FANCG: variants seen among roughly 807,000 people sequenced by gnomAD.
FANCG encodes FA complementation group G, also known as Fanconi anemia group G protein.
Under a neutral mutation model 73.3 loss-of-function variants are expected in FANCG, and 67 were observed. The ratio of observed to expected loss-of-function variants is 0.91; its 90% CI spans 0.75 to 1.12. The LOEUF is 1.12. FANCG is among the 50% of genes most tolerant of loss of function. The probability of loss-of-function intolerance (pLI) is 0.00; values close to 1 mark genes in which losing one functional copy is unlikely to be tolerated. For synonymous variants in FANCG, 297 were observed against 311.6 expected, an observed-to-expected ratio of 0.95 and a Z score of 0.49; for missense variants, 643 against 735.6, an observed-to-expected ratio of 0.87 and a Z score of 1.46.
chr9:35,076,813 A>C lies in FANCG; in HGVS notation c.835T>G (p.Trp279Gly), dbSNP rs749604746. ...LVAALKEGSA[W>G]GPPLLEASRL... ...GAGGCCTCCAGAAGTGGAGGACCCC[A>C]GGCTGATCCCTCTTTCAGGGCTGCA... Residue 279 changes from tryptophan (W) to glycine (G), a missense_variant, in exon 7 of 14, where the codon TGG (tryptophan) becomes GGG (glycine). Coordinates refer to ENST00000378643, the MANE Select transcript of FANCG (RefSeq NM_004629.2). The C allele has an allele frequency of 3.7e-6, 6 of 1,614,072 alleles. No homozygotes were observed. Among genetic ancestry groups the C allele is most frequent in the Non-Finnish European group, 5.1e-6 (6 of 1,180,040 alleles).
chr9:35,076,627 CATACTTCCTTAT>C, intron 7 of FANCG, 44 bp from the exon 8 acceptor site: 1 of 1,614,074 alleles, frequency 6.2e-7, no homozygotes, highest in Non-Finnish European at 8.5e-7. Flanking sequence ...CTTTGGGAGC[CATACTTCCTTAT>C]ACTTGGATCT....
In FANCG at chr9:35,079,725, C is replaced by G; in HGVS notation, c.-201G>C. On this transcript the variant is annotated 5_prime_UTR_variant, in exon 1 of 14. Transcript: ENST00000378643. Reference sequence around the variant, plus strand: ...CTCTCTCCCCGCGGCCCGCCGGGCTCTCAACCTCGCCTCTGGTTGGCCGGG... The same window carrying G: ...CTCTCTCCCCGCGGCCCGCCGGGCTGTCAACCTCGCCTCTGGTTGGCCGGG... The G allele has an allele frequency of 3.2e-6, 2 of 622,134 alleles. No individual in the cohort carries two copies. The highest frequency in any genetic ancestry group is 5.6e-5 in the East Asian group (2 of 35,846). 38.5% of individuals were successfully genotyped at this position (622,134 alleles called of 1,614,324 possible).
In FANCG at chr9:35,077,058, G is replaced by T. The variant is rs1333976481; in HGVS notation, c.690C>A (p.Ser230Arg). ...LITGNPDKAL[S>R]SLHEAASGLC... ...GGCCTGAGGCCGCTTCATGAAGGCTGCTTAGTGCCTTGTCTGGGTTCCCTG... is the reference window on the plus strand; with the variant it reads ...GGCCTGAGGCCGCTTCATGAAGGCTTCTTAGTGCCTTGTCTGGGTTCCCTG... Residue 230 changes from serine (S) to arginine (R), a missense_variant, in exon 6 of 14, where the codon AGC becomes AGA. Ser to Arg is a moderately radical substitution (Grantham distance 110). Transcript: ENST00000378643. The T allele has an allele frequency of 9.3e-6, 15 of 1,614,244 alleles. No individual in the cohort carries two copies. The highest frequency in any genetic ancestry group is 1.3e-5 in the Non-Finnish European group (15 of 1,180,044).
chr9:35,075,532 G>A lies in FANCG; in HGVS notation c.1366C>T (p.His456Tyr), dbSNP rs1315754695. ...PYCPLWVSAT[H>Y]LLQGQAWVQL... Reference sequence around the variant, plus strand: ...ACCCAGGCCTGGCCCTGAAGCAGGTGGGTGGCAGAGACCCAGAGTGGGCAG... The same window carrying A: ...ACCCAGGCCTGGCCCTGAAGCAGGTAGGTGGCAGAGACCCAGAGTGGGCAG... Residue 456 changes from histidine (H) to tyrosine (Y), a missense_variant, in exon 10 of 14, where the codon CAC becomes TAC. Physicochemically the swap from His to Tyr is moderately conservative, Grantham distance 83. Transcript: ENST00000378643. 2 of 1,614,040 alleles carry A rather than the reference G, an allele frequency of 1.2e-6. No individual in the cohort carries two copies. Among genetic ancestry groups the A allele is most frequent in the Non-Finnish European group, 1.7e-6 (2 of 1,180,036 alleles).
chr9:35,076,111 A>G, intron 8 of FANCG, 83 bp from the exon 9 acceptor site: 1 of 1,352,786 alleles, frequency 7.4e-7, no homozygotes, highest in Non-Finnish European at 1.1e-6. Flanking sequence ...CTCTTAGCTA[A>G]CAGATGGATG....
At chr9:35,078,886 C>T in intron 2 of FANCG, 150 bp from the exon 3 acceptor site, 1 of 1,207,010 alleles carries the variant, frequency 8.3e-7, no homozygotes, top group East Asian at 2.5e-5. Context: ...AAAAAAAGAA[C>T]CCAACCTTTG....
At position 35,075,990 on chromosome 9, in the gene FANCG, G is replaced by A. The variant is rs2131054696; in HGVS notation, c.1115C>T (p.Ala372Val). 1 of 1,614,134 alleles carries A rather than the reference G, an allele frequency of 6.2e-7. No individual in the cohort carries two copies. The change falls in exon 9 of 14, where the codon GCC becomes GTC. Residue 372 changes from alanine to valine, a missense_variant. Coordinates refer to ENST00000378643, the MANE Select transcript of FANCG (RefSeq NM_004629.2). Reference protein sequence around the residue: ...DAAEHYLDLLALLLDSSEPRF... With the variant: ...DAAEHYLDLLVLLLDSSEPRF... ...TGGCTCCGAGCTATCCAGCAACAGG[G>A]CCAGCAGGTCCAAGTAATGCTCTGC... is the stretch of plus-strand genomic sequence containing the variant.
At chr9:35,078,400 T>C in intron 3 of FANCG, 57 bp from the exon 4 acceptor site, 1 of 1,571,244 alleles carries the variant, frequency 6.4e-7, no homozygotes, top group East Asian at 2.2e-5. Context: ...CACCTCATCC[T>C]CCATCTCCCC....
At position 35,076,875 on chromosome 9, in the gene FANCG, A is replaced by G; in HGVS notation, c.778-5T>C. The stretch of plus-strand genomic sequence containing the variant: ...CAGTGCTCTCTGTGGATTTCCCTAA[A>G]GGGATAGGAGGACACGGGCCTCAGC... On this transcript the variant is annotated splice_region_variant and splice_polypyrimidine_tract_variant and intron_variant, in intron 6 of 13. Transcript: ENST00000378643. The G allele has an allele frequency of 6.2e-7, 1 of 1,614,216 alleles. No individual in the cohort carries two copies. The highest frequency in any genetic ancestry group is 8.5e-7 in the Non-Finnish European group (1 of 1,180,038).
At position 35,074,175 on chromosome 9, in the gene FANCG, C is replaced by T. The variant is rs374723194; in HGVS notation, c.1802G>A (p.Arg601His). 9.3e-6 allele frequency: 15 copies of T among 1,614,040 alleles called. No homozygotes were observed. The highest frequency in any genetic ancestry group is 5.5e-5 in the South Asian group (5 of 91,076). Residue 601 changes from arginine (R) to histidine (H), a missense_variant, in exon 14 of 14, where the codon CGT becomes CAT. Arg to His is a conservative substitution (Grantham distance 29). Transcript: ENST00000378643. Reference protein sequence around the residue: ...LYLESYLSWIRPSDRDAFLEE... With the variant: ...LYLESYLSWIHPSDRDAFLEE... ...AAGGAAGGCGTCACGATCAGAGGGA[C>T]GGATCCAGCTCAAATAGCTTTCTAG...
At chr9:35,077,486 T>C (rs997764557) in intron 4 of FANCG, 87 bp from the exon 5 acceptor site, 17 of 1,556,528 alleles carry the variant, frequency 1.1e-5, no homozygotes, top group Non-Finnish European at 1.3e-5. Flanking sequence ...GACCTTGAGC[T>C]CAAGGGTCCT....
In FANCG at chr9:35,079,894, G is replaced by A. The variant is rs986190421; in HGVS notation, c.-370C>T. ...GTCTGACTGGGGCAGTCGCACGGCC[G>A]GCGGTGCGGCCCGCTCGGCTCTCGC... On this transcript the variant is annotated 5_prime_UTR_variant, in exon 1 of 14. Transcript: ENST00000378643. 1.4e-5 allele frequency: 6 copies of A among 417,088 alleles called. No individual in the cohort carries two copies. Among genetic ancestry groups the A allele is most frequent in the Non-Finnish European group, 2.3e-5 (5 of 221,738 alleles). 25.8% of individuals were successfully genotyped at this position (417,088 alleles called of 1,614,324 possible).
intron 11 of FANCG, 86 bp from the exon 12 acceptor site, chr9:35,075,168 C>T: frequency 6.2e-7 from 1 of 1,607,196 alleles, no homozygotes; most frequent in Non-Finnish European, 8.5e-7. Flanking sequence ...CTTCTTGTGT[C>T]CACAGTCCCT....
intron 6 of FANCG, 32 bp downstream of exon 6, chr9:35,076,939 G>A: frequency 6.2e-7 from 1 of 1,614,162 alleles, no homozygotes; most frequent in Non-Finnish European, 8.5e-7. Context: ...AATGCTTGTG[G>A]TTTCCCCAAT....
At chr9:35,077,551 A>G in intron 4 of FANCG, 152 bp from the exon 5 acceptor site, 2 of 892,880 alleles carry the variant, frequency 2.2e-6, no homozygotes, top group Non-Finnish European at 1.8e-6. Context: ...GAAGCTATGC[A>G]TAATGCCTGT....
chr9:35,078,083 G>A, intron 4 of FANCG, 58 bp downstream of exon 4: 1 of 1,516,558 alleles, frequency 6.6e-7, no homozygotes, highest in Non-Finnish European at 9.2e-7. Flanking sequence ...TGCAGCTGGA[G>A]AGAAAGGAGG....
Position 35,075,498 on chromosome 9 carries a change from C to T in FANCG, c.1400G>A (p.Gly467Asp), listed in dbSNP as rs1829065651. Residue 467 changes from glycine to aspartate, a missense_variant, in exon 10 of 14, where the codon GGT (glycine) becomes GAT (aspartate). Coordinates refer to ENST00000378643, the MANE Select transcript of FANCG (RefSeq NM_004629.2). Reference sequence around the variant, plus strand: ...TTCACTAATTGCCACTTTTTGGGCACCCAGTTGAACCCAGGCCTGGCCCTG... The same window carrying T: ...TTCACTAATTGCCACTTTTTGGGCATCCAGTTGAACCCAGGCCTGGCCCTG... ...LLQGQAWVQL[G>D]AQKVAISEFS... 1 of 1,614,160 alleles carries T rather than the reference C, an allele frequency of 6.2e-7. No homozygotes were observed. The highest frequency in any genetic ancestry group is 8.5e-7 in the Non-Finnish European group (1 of 1,180,024).
At chr9:35,075,868 T>C in intron 9 of FANCG, 94 bp downstream of exon 9, 2 of 1,536,640 alleles carry the variant, frequency 1.3e-6, no homozygotes, top group South Asian at 1.1e-5. Flanking sequence ...ACAGACAGAA[T>C]AGAGGAAAAA....
intron 1 of FANCG, 95 bp downstream of exon 1, chr9:35,079,346 G>T: frequency 6.4e-7 from 1 of 1,558,322 alleles, no homozygotes; most frequent in Non-Finnish European, 8.9e-7. Context: ...CTTTGGTCAA[G>T]CTCAGTCCCT....
Sources: gnomAD v4.1 joint callset for allele counts on GRCh38, gnomAD v4.1.1 for gene constraint, MANE v1.5 for transcripts, NCBI Gene and HGNC (gene_info 2026-07-23, HGNC 2026-07-21) for gene names.